Variants in KCNQ3 observed in about 807,000 individuals in gnomAD.
KCNQ3 encodes potassium voltage-gated channel subfamily KQT member 3.
Under a neutral mutation model 92.5 loss-of-function variants are expected in KCNQ3, and 30 were observed. The ratio of observed to expected loss-of-function variants is 0.32; its 90% CI spans 0.24 to 0.44. KCNQ3 has a LOEUF of 0.44. KCNQ3 is among the 20% of genes least tolerant of loss of function. The probability of loss-of-function intolerance (pLI) is 1.00; values close to 1 mark genes in which losing one functional copy is unlikely to be tolerated. For synonymous variants in KCNQ3, 450 were observed against 468.8 expected (o/e 0.96, Z 0.52); for missense variants, 913 against 1,140.3 (o/e 0.80, Z 2.87).
chr8:132,232,622 C>T (rs905960634), intron 1 of KCNQ3, among the ~76,000 whole-genome samples: 6 of 152,198 alleles, frequency 3.9e-5, no homozygotes, highest in African/African-American at 1.4e-4. Flanking sequence ...CATGGCTGTA[C>T]ATCCTTAACA....
At chr8:132,360,621 T>G (rs1460626960) in intron 1 of KCNQ3, among the ~76,000 whole-genome samples, 1 of 152,164 alleles carries the variant, frequency 6.6e-6, no homozygotes, top group Non-Finnish European at 1.5e-5. Flanking sequence ...GACCTCAGAC[T>G]CACGACAAGA....
At chr8:132,306,742 T>C (rs556400143) in intron 1 of KCNQ3, among the ~76,000 whole-genome samples, 2 of 152,296 alleles carry the variant, frequency 1.3e-5, no homozygotes, top group Admixed American at 6.5e-5. Context: ...GATCAATATT[T>C]AGGGGAGAAT....
intron 8 of KCNQ3, among the ~76,000 whole-genome samples, chr8:132,166,392 T>G (rs1330123197): frequency 6.6e-6 from 1 of 152,178 alleles, no homozygotes; most frequent in Non-Finnish European, 1.5e-5. Context: ...CATCCCTGCT[T>G]GTATATAAGA....
intron 1 of KCNQ3, among the ~76,000 whole-genome samples, chr8:132,345,940 G>T (rs1818675434): frequency 6.6e-6 from 1 of 151,894 alleles, no homozygotes; most frequent in Non-Finnish European, 1.5e-5. Context: ...TGATGATGAT[G>T]ATGATGGTGA....
At chr8:132,333,806 T>A (rs949603721) in intron 1 of KCNQ3, among the ~76,000 whole-genome samples, 5 of 151,896 alleles carry the variant, frequency 3.3e-5, no homozygotes, top group Non-Finnish European at 7.4e-5. Context: ...TGATTTCGGC[T>A]CACTGCAGCC....
At chr8:132,187,899 G>GGTA (rs1827047446) in intron 1 of KCNQ3, among the ~76,000 whole-genome samples, 1 of 85,054 alleles carries the variant, frequency 1.2e-5, no homozygotes. Context: ...TGGTGGTGGT[G>GGTA]GTGATGGTGG....
intron 1 of KCNQ3, among the ~76,000 whole-genome samples, chr8:132,410,541 A>G (rs1236809754): frequency 1.3e-5 from 2 of 152,242 alleles, no homozygotes; most frequent in Admixed American, 6.5e-5. Flanking sequence ...AATGCATTGC[A>G]TGCAAAGTAT....
In KCNQ3 at chr8:132,122,728, G is replaced by C. The variant is rs1188920390; in HGVS notation, c.*6534C>G. The C allele has an allele frequency of 6.6e-6, 1 of 152,170 alleles. No individual in the cohort carries two copies. The highest frequency in any genetic ancestry group is 1.5e-5 in the Non-Finnish European group (1 of 68,038). 9.4% of individuals were successfully genotyped at this position (152,170 alleles called of 1,614,324 possible). ...GCTTTCACTTCAGCCTGACTCAGGA[G>C]AACTGAAACATCCTACCACAGGGAT... On this transcript the variant is annotated 3_prime_UTR_variant, in exon 15 of 15. Coordinates refer to ENST00000388996, the MANE Select transcript of KCNQ3 (RefSeq NM_004519.4).
At position 132,421,067 on chromosome 8, in the gene KCNQ3, T is replaced by A. The variant is rs554958695; in HGVS notation, c.386+59080A>T. 3.3e-5 allele frequency among the ~76,000 whole-genome samples: 5 copies of A among 152,182 alleles called. No individual in the cohort carries two copies. The East Asian group carries it at 9.7e-4, about 29-fold the overall frequency. ...TTGAGCAGGGGATGTGGGGCAGAGG[T>A]GAATGTTTAAACGGCTCATACAGTC... On this transcript the variant is annotated intron_variant, in intron 1 of 14. Coordinates refer to ENST00000388996, the MANE Select transcript of KCNQ3 (RefSeq NM_004519.4).
chr8:132,429,543 TAGA>T (rs1457453009), intron 1 of KCNQ3, among the ~76,000 whole-genome samples: 1 of 152,036 alleles, frequency 6.6e-6, no homozygotes, highest in African/African-American at 2.4e-5. Flanking sequence ...TGTCAATAAA[TAGA>T]AGAAGAAAGA....
chr8:132,187,331 T>G (rs1827003427), intron 1 of KCNQ3: 1 of 447,558 alleles, frequency 2.2e-6, no homozygotes, highest in Admixed American at 2.4e-5. Flanking sequence ...AACAGAAAGT[T>G]GTCTCATGGT....
At chr8:132,432,397 C>T (rs185056922) in intron 1 of KCNQ3, among the ~76,000 whole-genome samples, 3 of 151,188 alleles carry the variant, frequency 2.0e-5, no homozygotes, top group Admixed American at 2.0e-4. Flanking sequence ...TATGATCTGT[C>T]AAAATATTGG....
At chr8:132,351,442 C>T (rs1158558485) in intron 1 of KCNQ3, among the ~76,000 whole-genome samples, 1 of 152,202 alleles carries the variant, frequency 6.6e-6, no homozygotes, top group Non-Finnish European at 1.5e-5. Flanking sequence ...TCTCTAATTT[C>T]TACGAAAGTC....
chr8:132,220,684 G>C (rs765229769), intron 1 of KCNQ3, among the ~76,000 whole-genome samples: 2 of 152,144 alleles, frequency 1.3e-5, no homozygotes, highest in African/African-American at 4.8e-5. Context: ...GGGAGGCAGA[G>C]GTTGCAGTGA....
At chr8:132,212,898 G>GTTT (rs1563807249) in intron 1 of KCNQ3, among the ~76,000 whole-genome samples, 1 of 152,182 alleles carries the variant, frequency 6.6e-6, no homozygotes, top group Non-Finnish European at 1.5e-5. Flanking sequence ...CAGACCTGTA[G>GTTT]GCAGGTGCCG....
chr8:132,210,640 G>A (rs1162655949), intron 1 of KCNQ3, among the ~76,000 whole-genome samples: 1 of 152,198 alleles, frequency 6.6e-6, no homozygotes, highest in East Asian at 1.9e-4. Flanking sequence ...TCTCATCAGA[G>A]GTTCGACTGG....
intron 1 of KCNQ3, among the ~76,000 whole-genome samples, chr8:132,258,644 AAAT>A (rs1815671711): frequency 6.6e-6 from 1 of 152,100 alleles, no homozygotes; most frequent in Non-Finnish European, 1.5e-5. Context: ...AGAAGAAGGA[AAAT>A]AATGACTACA....
intron 1 of KCNQ3, among the ~76,000 whole-genome samples, chr8:132,417,068 C>A (rs1820825724): frequency 6.6e-6 from 1 of 152,290 alleles, no homozygotes. Context: ...AGAAACTGAG[C>A]AGAACAAATC....
At chr8:132,196,890 T>G (rs1012260209) in intron 1 of KCNQ3, among the ~76,000 whole-genome samples, 1 of 152,192 alleles carries the variant, frequency 6.6e-6, no homozygotes, top group Non-Finnish European at 1.5e-5. Context: ...AGCTCCTAAT[T>G]CAGGGATGTT....
Sources: allele counts gnomAD v4.1 joint callset (sites outside exome capture counted in the v4.1 genomes callset), GRCh38; gene constraint gnomAD v4.1.1; transcripts MANE v1.5; gene names NCBI Gene and HGNC (gene_info 2026-07-23, HGNC 2026-07-21).